The following FSTL5 variants were observed in gnomAD, a reference collection of about 807,000 sequenced individuals.
FSTL5 encodes follistatin like 5.
Under a neutral mutation model 89.1 loss-of-function variants are expected in FSTL5, and 62 were observed. The ratio of observed to expected loss-of-function variants is 0.70; its 90% confidence interval spans 0.57 to 0.86. The LOEUF is 0.86. Among genes scored for constraint, FSTL5 ranks in the 40% least tolerant of loss-of-function variants. The pLI is 0.00. For missense variants in FSTL5, 1,057 were observed against 1,001.6 expected (o/e 1.06, Z -0.75); for synonymous variants, 383 against 346.2 (o/e 1.11, Z -1.18).
At chr4:161,925,344 A>G (rs898714529) in intron 3 of FSTL5, among the ~76,000 whole-genome samples, 1 of 151,910 alleles carries the variant, frequency 6.6e-6, no homozygotes, top group African/African-American at 2.4e-5. Flanking sequence ...CTCTTCTAAG[A>G]TTTTGATTTA....
chr4:161,570,532 A>G (rs1477341690), intron 8 of FSTL5, among the ~76,000 whole-genome samples: 1 of 152,196 alleles, frequency 6.6e-6, no homozygotes, highest in Non-Finnish European at 1.5e-5. Flanking sequence ...TTTTAATCTG[A>G]GAGACATTGG....
chr4:162,158,380 C>T (rs1320005242), intron 1 of FSTL5, among the ~76,000 whole-genome samples: 1 of 151,988 alleles, frequency 6.6e-6, no homozygotes, highest in Non-Finnish European at 1.5e-5. Flanking sequence ...GGGAAAACCC[C>T]TTAAGGTCTT....
rs1031609084 is a variant in FSTL5 at position 161,383,904 on chromosome 4, G to A, written c.*1843C>T. 3 of 152,126 alleles carry A rather than the reference G, an allele frequency of 2.0e-5. No homozygotes were observed. The highest frequency in any genetic ancestry group is 1.9e-4 in the East Asian group (1 of 5,194). The allele number at this position is 152,126 out of a possible 1,614,324, so 9.4% of individuals were successfully genotyped here. A position where few individuals can be genotyped will look rare whatever the true frequency, so the allele number is the denominator to read the frequency against. Reference sequence around the variant, plus strand: ...TGACTGAACTCTCAAGGGTTAAAATGTAAGAGGTTTATTCTCCTTTTATCA... The same window carrying A: ...TGACTGAACTCTCAAGGGTTAAAATATAAGAGGTTTATTCTCCTTTTATCA... On this transcript the variant is annotated 3_prime_UTR_variant, in exon 16 of 16. Transcript: ENST00000306100.
intron 4 of FSTL5, among the ~76,000 whole-genome samples, chr4:161,911,390 G>T (rs1433242289): frequency 6.6e-6 from 1 of 151,848 alleles, no homozygotes; most frequent in African/African-American, 2.4e-5. Context: ...TTTCATCTTG[G>T]TCTAGAGAGT....
At chr4:161,867,446 C>T (rs191440285) in intron 4 of FSTL5, among the ~76,000 whole-genome samples, 15 of 151,826 alleles carry the variant, frequency 9.9e-5, no homozygotes, top group African/African-American at 3.4e-4. Flanking sequence ...CAAAGAAATG[C>T]AAATATTTTA....
chr4:161,568,108 G>A (rs1250500986), intron 8 of FSTL5, among the ~76,000 whole-genome samples: 1 of 151,250 alleles, frequency 6.6e-6, no homozygotes, highest in Non-Finnish European at 1.5e-5. Context: ...CCATGACTTG[G>A]CAAATTTTGG....
At chr4:161,437,351 G>A (rs1237294844) in intron 15 of FSTL5, among the ~76,000 whole-genome samples, 2 of 151,950 alleles carry the variant, frequency 1.3e-5, no homozygotes, top group African/African-American at 4.8e-5. Flanking sequence ...CGGATTACGA[G>A]GTCAGGAGAT....
chr4:161,667,905 T>C (rs1032536554), intron 6 of FSTL5, among the ~76,000 whole-genome samples: 1 of 151,990 alleles, frequency 6.6e-6, no homozygotes, highest in East Asian at 1.9e-4. Flanking sequence ...ATTCAGGCAT[T>C]GAATACATAT....
intron 1 of FSTL5, among the ~76,000 whole-genome samples, chr4:162,155,121 C>A: frequency 6.6e-6 from 1 of 152,122 alleles, no homozygotes. Context: ...ACCAATAGAC[C>A]ATGGCAAAGG....
intron 4 of FSTL5, among the ~76,000 whole-genome samples, chr4:161,787,310 T>C (rs1741941949): frequency 6.6e-6 from 1 of 152,064 alleles, no homozygotes; most frequent in Non-Finnish European, 1.5e-5. Context: ...AGGAAGTGCT[T>C]GATGAATTGG....
intron 4 of FSTL5, among the ~76,000 whole-genome samples, chr4:161,859,926 T>G (rs1309140851): frequency 6.6e-6 from 1 of 152,134 alleles, no homozygotes. Flanking sequence ...ATGAATGTAT[T>G]AAATGGAAAA....
intron 8 of FSTL5, among the ~76,000 whole-genome samples, chr4:161,580,953 T>C (rs1333575093): frequency 2.6e-5 from 4 of 152,068 alleles, no homozygotes; most frequent in Admixed American, 6.5e-5. Context: ...GAGCAAGACA[T>C]GAATACTGTC....
In FSTL5 at chr4:161,688,418, A is replaced by C. The variant is rs577048530; in HGVS notation, c.728-31924T>G. Among the ~76,000 whole-genome samples, 13 of 152,282 alleles carry C rather than the reference A, an allele frequency of 8.5e-5. 1 individual carries two copies. The South Asian group carries it at 2.7e-3, about 32-fold the overall frequency. On this transcript the variant is annotated intron_variant, in intron 6 of 15. Transcript: ENST00000306100. ...TCATACTCTGTTATAACAGCACAAA[A>C]TAGATGAAAACAAAACTGCAGTTCT...
Position 161,890,886 on chromosome 4 carries a change from G to A in FSTL5, c.409+29518C>T, listed in dbSNP as rs571960727. Among the ~76,000 whole-genome samples, 23 of 151,954 alleles carry A rather than the reference G, an allele frequency of 1.5e-4. No homozygotes were observed. The South Asian group carries it at 4.6e-3, about 30-fold the overall frequency. On this transcript the variant is annotated intron_variant, in intron 4 of 15. Transcript: ENST00000306100. ...TCCATTTATCTCTTTCTCCCCATGTGCCTCTTTTGATTGAACGTTAAAATT... is the reference window on the plus strand; with the variant it reads ...TCCATTTATCTCTTTCTCCCCATGTACCTCTTTTGATTGAACGTTAAAATT...
chr4:161,962,601 T>C (rs888943209), intron 3 of FSTL5, among the ~76,000 whole-genome samples: 1 of 151,914 alleles, frequency 6.6e-6, no homozygotes, highest in African/African-American at 2.4e-5. Context: ...AAAATGGAAT[T>C]ATAGGCATTG....
At chr4:161,835,353 G>A (rs1003436136) in intron 4 of FSTL5, among the ~76,000 whole-genome samples, 18 of 152,078 alleles carry the variant, frequency 1.2e-4, no homozygotes, top group African/African-American at 4.1e-4. Flanking sequence ...AAAAACCCTA[G>A]AAGAAAACCT....
intron 2 of FSTL5, among the ~76,000 whole-genome samples, chr4:162,099,217 C>T (rs910123589): frequency 1.5e-4 from 23 of 151,888 alleles, no homozygotes; most frequent in African/African-American, 2.9e-4. Context: ...AACTATAGCA[C>T]GCTAAGTGTC....
At chr4:161,797,969 A>C (rs1457089003) in intron 4 of FSTL5, among the ~76,000 whole-genome samples, 1 of 151,640 alleles carries the variant, frequency 6.6e-6, no homozygotes, top group Non-Finnish European at 1.5e-5. Context: ...CATCATGGAA[A>C]GAGTAATGCT....
At chr4:161,619,056 C>T (rs1315169908) in intron 7 of FSTL5, among the ~76,000 whole-genome samples, 1 of 152,130 alleles carries the variant, frequency 6.6e-6, no homozygotes, top group Admixed American at 6.5e-5. Flanking sequence ...ACTATCTGAT[C>T]TTTGACAAAC....
Sources: gnomAD v4.1 joint callset for allele counts (sites outside exome capture counted in the v4.1 genomes callset) on GRCh38, gnomAD v4.1.1 for gene constraint, MANE v1.5 for transcripts, NCBI Gene and HGNC (gene_info 2026-07-23, HGNC 2026-07-21) for gene names.